Variants in ARID4B observed in about 807,000 individuals in gnomAD.
ARID4B encodes AT-rich interaction domain 4B.
A neutral mutation model predicts 147.5 loss-of-function variants in ARID4B; 26 were observed. The observed-to-expected ratio is 0.18, with a 90% CI of 0.13 to 0.24. The LOEUF is 0.24. ARID4B is among the 10% of genes least tolerant of loss of function. ARID4B has a pLI of 1.00. For missense variants in ARID4B, 1,179 were observed against 1,511.5 expected (o/e 0.78, Z 3.65); for synonymous variants, 512 against 507.9 (o/e 1.01, Z -0.11).
At chr1:235,198,101 T>C (rs1332643857) in intron 17 of ARID4B, among the ~76,000 whole-genome samples, 1 of 152,174 alleles carries the variant, frequency 6.6e-6, no homozygotes, top group East Asian at 1.9e-4. Flanking sequence ...AAAACAAGCT[T>C]TCTAATTTTT....
At chr1:235,188,338 A>T (rs1376403739) in intron 19 of ARID4B, among the ~76,000 whole-genome samples, 1 of 152,182 alleles carries the variant, frequency 6.6e-6, no homozygotes, top group African/African-American at 2.4e-5. Context: ...GCCAAAAACC[A>T]ACCCAGTTTA....
At chr1:235,181,289 A>G in intron 20 of ARID4B, 1 of 557,684 alleles carries the variant, frequency 1.8e-6, no homozygotes, top group Non-Finnish European at 2.7e-6. Context: ...CAACCACTGC[A>G]TATAATGAAT....
chr1:235,219,957 C>T lies in ARID4B; in HGVS notation c.1419G>A (p.Lys473=), dbSNP rs145817641. The T allele has an allele frequency of 7.2e-4, 1,109 of 1,537,964 alleles. 1 individual carries two copies. Among genetic ancestry groups the T allele is most frequent in the Non-Finnish European group, 8.9e-4 (1,021 of 1,146,270 alleles). The change falls in exon 16 of 24, where the codon AAG becomes AAA. Residue 473 remains lysine, a synonymous_variant. Coordinates refer to ENST00000264183, the MANE Select transcript of ARID4B (RefSeq NM_016374.6). ...ENIKPSLGSK[K]NLLESIPTHS... ...GTGTAGGTATAGATTCTAATAAATT[C>T]TTTTTACTTCCCTAGAAAAAGATCA...
intron 2 of ARID4B, among the ~76,000 whole-genome samples, chr1:235,307,081 T>G (rs1673624264): frequency 6.6e-6 from 1 of 151,972 alleles, no homozygotes; most frequent in Admixed American, 6.6e-5. Context: ...ACCTACAAAT[T>G]ACAGAGAAAA....
At position 235,175,335 on chromosome 1, in the gene ARID4B, T is replaced by A; in HGVS notation, c.3513A>T (p.Lys1171Asn). 1 of 1,614,188 alleles carries A rather than the reference T, an allele frequency of 6.2e-7. No individual in the cohort carries two copies. Among genetic ancestry groups the A allele is most frequent in the Non-Finnish European group, 8.5e-7 (1 of 1,180,032 alleles). Residue 1171 changes from lysine (K) to asparagine (N), a missense_variant, in exon 22 of 24, where the codon AAA (lysine) becomes AAT (asparagine). Transcript: ENST00000264183. ...GAGACTTCATTCCAGTGGAAACTGATTTGACTGGCTGACTCTTAGTTATAC... is the reference window on the plus strand; with the variant it reads ...GAGACTTCATTCCAGTGGAAACTGAATTGACTGGCTGACTCTTAGTTATAC... ...GESITKSQPVKSVSTGMKSHS... is the reference protein window; with the variant it reads ...GESITKSQPVNSVSTGMKSHS...
intron 2 of ARID4B, among the ~76,000 whole-genome samples, chr1:235,313,328 C>T (rs1358800968): frequency 7.0e-6 from 1 of 143,054 alleles, no homozygotes; most frequent in Non-Finnish European, 1.6e-5. Context: ...CCGTGCATGC[C>T]TAAGTTGAAT....
chr1:235,168,628 G>C lies in ARID4B; in HGVS notation c.3836C>G (p.Ser1279Cys). The C allele has an allele frequency of 2.5e-6, 4 of 1,614,054 alleles. No individual in the cohort carries two copies. The highest frequency in any genetic ancestry group is 3.4e-6 in the Non-Finnish European group (4 of 1,179,936). The part of the protein sequence containing the change: ...RESAATSSSS[S>C]SPSSSSITAA... ...TGTTATGGAACTGGATGAAGGTGAA[G>C]AGGAGGATGAGGATGTAGCAGCACC... is the stretch of plus-strand genomic sequence containing the variant. The change falls in exon 24 of 24, where the codon TCT becomes TGT. Residue 1279 changes from serine (S) to cysteine (C), a missense_variant. Transcript: ENST00000264183.
At chr1:235,236,492 TTGTGTGTGTGTG>T (rs111585112) in intron 8 of ARID4B, among the ~76,000 whole-genome samples, 23,911 of 147,036 alleles carry the variant, frequency 0.16, 3,065 homozygotes, top group African/African-American at 0.36. Flanking sequence ...TACAAAACAG[TTGTGTGTGTGTG>T]TGTGTGTGTG....
At chr1:235,179,976 A>AG (rs1664186475) in intron 20 of ARID4B, among the ~76,000 whole-genome samples, 1 of 151,356 alleles carries the variant, frequency 6.6e-6, no homozygotes, top group African/African-American at 2.4e-5. Context: ...AGGCTGAGGC[A>AG]GGGGAATCAC....
chr1:235,314,443 C>T (rs1308065762), intron 2 of ARID4B, among the ~76,000 whole-genome samples: 1 of 152,086 alleles, frequency 6.6e-6, no homozygotes, highest in Non-Finnish European at 1.5e-5. Flanking sequence ...AGTAACTTTA[C>T]CCAAACCTCA....
intron 2 of ARID4B, 103 bp downstream of exon 2, chr1:235,326,811 C>G (rs1675305998): frequency 1.2e-5 from 17 of 1,456,698 alleles, no homozygotes; most frequent in Middle Eastern, 1.8e-4. Context: ...CCAAACACAC[C>G]TTCCTCTGCA....
intron 2 of ARID4B, among the ~76,000 whole-genome samples, chr1:235,288,366 T>A (rs1326867874): frequency 6.6e-6 from 1 of 152,180 alleles, no homozygotes; most frequent in Non-Finnish European, 1.5e-5. Context: ...TAATCACTAT[T>A]CTCATTTTGG....
chr1:235,231,017 T>A, intron 10 of ARID4B, 96 bp downstream of exon 10: 1 of 847,336 alleles, frequency 1.2e-6, no homozygotes, highest in South Asian at 1.7e-5. Flanking sequence ...AAACATAATT[T>A]AAAGAAAAAT....
chr1:235,228,629 T>A (rs1455895751), intron 11 of ARID4B: 1 of 148,876 alleles, frequency 6.7e-6, no homozygotes, highest in Non-Finnish European at 1.5e-5. Flanking sequence ...GATGGTAAGT[T>A]TTTTTGTTTT....
At chr1:235,318,835 C>T (rs1674623876) in intron 2 of ARID4B, among the ~76,000 whole-genome samples, 1 of 151,730 alleles carries the variant, frequency 6.6e-6, no homozygotes, top group Non-Finnish European at 1.5e-5. Context: ...GAGCCATGGT[C>T]GAGCCACTGC....
At chr1:235,220,958 C>T (rs1243596233) in intron 14 of ARID4B, among the ~76,000 whole-genome samples, 4 of 151,850 alleles carry the variant, frequency 2.6e-5, no homozygotes, top group African/African-American at 4.8e-5. Flanking sequence ...AGTGCAGTGG[C>T]GCAATCTCAG....
chr1:235,231,231 A>G (rs1470043361), intron 9 of ARID4B, 42 bp from the exon 10 acceptor site: 1 of 1,021,878 alleles, frequency 9.8e-7, no homozygotes, highest in African/African-American at 1.7e-5. Flanking sequence ...AAAAAACCCA[A>G]AATATGACTG....
intron 2 of ARID4B, among the ~76,000 whole-genome samples, chr1:235,322,852 G>A (rs578084922): frequency 6.6e-6 from 1 of 151,888 alleles, no homozygotes; most frequent in African/African-American, 2.4e-5. Flanking sequence ...CTGACAGAGT[G>A]GATAGGGAGA....
intron 5 of ARID4B, 148 bp downstream of exon 5, chr1:235,255,512 T>C (rs1487596818): frequency 1.3e-5 from 7 of 520,162 alleles, no homozygotes; most frequent in African/African-American, 5.9e-5. Context: ...TGGAAATAAA[T>C]TTTTAAAAGA....
Sources: gnomAD v4.1 joint callset for allele counts (sites outside exome capture counted in the v4.1 genomes callset) on GRCh38, gnomAD v4.1.1 for gene constraint, MANE v1.5 for transcripts, NCBI Gene and HGNC (gene_info 2026-07-23, HGNC 2026-07-21) for gene names.